Variants in NEB observed in about 807,000 individuals in gnomAD.
The protein encoded by NEB is nemaline myopathy type 2.
A neutral mutation model predicts 952.2 loss-of-function variants in NEB; 512 were observed. That is an observed-to-expected ratio of 0.54 (90% CI 0.50 to 0.58). The LOEUF (loss-of-function observed/expected upper bound fraction) is 0.58. NEB is among the 20% of genes least tolerant of loss of function. NEB has a pLI of 0.00. For missense variants in NEB, 8,428 were observed against 9,231.1 expected (o/e 0.91, Z 3.56); for synonymous variants, 2,900 against 3,149.8 (o/e 0.92, Z 2.66).
intron 153 of NEB, among the ~76,000 whole-genome samples, chr2:151,521,140 G>A (rs1269319277): frequency 6.6e-6 from 1 of 152,078 alleles, no homozygotes; most frequent in Non-Finnish European, 1.5e-5. Context: ...TACCCCTCAT[G>A]GTTCATCACT....
In NEB at chr2:151,485,749, C is replaced by A; in HGVS notation, c.*11G>T. 1 of 1,598,596 alleles carries A rather than the reference C, an allele frequency of 6.3e-7. No individual in the cohort carries two copies. The highest frequency in any genetic ancestry group is 8.6e-7 in the Non-Finnish European group (1 of 1,168,964). On this transcript the variant is annotated 3_prime_UTR_variant, in exon 182 of 182. Coordinates refer to ENST00000397345, the MANE Select transcript of NEB (RefSeq NM_001164508.2). ...GTAAGTCCTGCAGACAAGTGTGATG[C>A]TTTGAAATGCCTAAATAGCTTCAAC... is the stretch of plus-strand genomic sequence containing the variant.
intron 23 of NEB, 27 bp from the exon 24 acceptor site, chr2:151,690,852 A>G: frequency 1.4e-6 from 2 of 1,465,834 alleles, no homozygotes; most frequent in Non-Finnish European, 1.9e-6. Context: ...TCTTTAATGA[A>G]ATATCAGTAT....
At chr2:151,524,749 T>G (rs1032549766) in intron 151 of NEB, 133 bp from the exon 152 acceptor site, 66 of 722,292 alleles carry the variant, frequency 9.1e-5, no homozygotes, top group Non-Finnish European at 1.6e-5. Context: ...TCACTGCAAC[T>G]TCTGTCTCCC....
Position 151,709,470 on chromosome 2 carries a change from TTTG to T in NEB, c.1035+183_1035+185del, listed in dbSNP as rs560800486. 1.0e-3 allele frequency among the ~76,000 whole-genome samples: 157 copies of T among 152,270 alleles called. 2 individuals are homozygous for T. The highest frequency in any genetic ancestry group is 3.4e-3 in the African/African-American group (142 of 41,550). Reference sequence around the variant, plus strand: ...AGCCCCATTATAATTCCAAAGTACTTTTGTTGTTGTTCTTGTTGTTTCAATTCT... The same window carrying T: ...AGCCCCATTATAATTCCAAAGTACTTTTGTTGTTCTTGTTGTTTCAATTCT... On this transcript the variant is annotated intron_variant, in intron 12 of 181. Coordinates refer to ENST00000397345, the MANE Select transcript of NEB (RefSeq NM_001164508.2).
chr2:151,649,154 C>A (rs2099000017), intron 54 of NEB, among the ~76,000 whole-genome samples: 1 of 152,098 alleles, frequency 6.6e-6, no homozygotes, highest in Non-Finnish European at 1.5e-5. Flanking sequence ...TTGTTGTTTT[C>A]TCATTTTGTT....
rs536684179 is a variant in NEB, at chr2:151,494,162, G to A, written c.24578C>T (p.Ser8193Leu). The change falls in exon 174 of 182, where the codon TCG (serine) becomes TTG (leucine). Residue 8193 changes from serine (S) to leucine (L), a missense_variant and splice_region_variant. Physicochemically the swap from Ser to Leu is moderately radical, Grantham distance 145. This residue lies in a region of NEB where 3,374 missense variants were observed against 3,651.5 expected (regional missense o/e 0.92). Transcript: ENST00000397345. ...CACTTTTGTTTCTCAAGACAATACCGAGCTAATGTTTTCTTGATTGCGTTT... is the reference window on the plus strand; with the variant it reads ...CACTTTTGTTTCTCAAGACAATACCAAGCTAATGTTTTCTTGATTGCGTTT... ...RVKRNQENISSVLYKENLGKA... is the reference protein window; with the variant it reads ...RVKRNQENISLVLYKENLGKA... The A allele has an allele frequency of 5.0e-6, 8 of 1,602,736 alleles. No homozygotes were observed. The highest frequency in any genetic ancestry group is 1.7e-4 in the Middle Eastern group (1 of 6,040).
At chr2:151,701,792 T>G (rs1291741740) in intron 13 of NEB, among the ~76,000 whole-genome samples, 1 of 150,866 alleles carries the variant, frequency 6.6e-6, no homozygotes, top group Non-Finnish European at 1.5e-5. Flanking sequence ...GTCTATCTAT[T>G]TTGTTGATCC....
chr2:151,546,310 G>A, intron 134 of NEB, 35 bp downstream of exon 134: 2 of 1,527,670 alleles, frequency 1.3e-6, no homozygotes, highest in Non-Finnish European at 9.0e-7. Flanking sequence ...CAGCTGTGCG[G>A]GGGGTAATTA....
rs1482111150 is a variant in NEB, at chr2:151,541,532, C to G, written c.20597G>C (p.Gly6866Ala). ...AGTAAAGATTGACTTCTGCTTCTTG[C>G]CTGCAGCTCTGTAGACCAGCTAGAC... ...HLSELVYRAAGKKQKSIFTSV... is the reference protein window; with the variant it reads ...HLSELVYRAAAKKQKSIFTSV... Residue 6866 changes from glycine (G) to alanine (A), a missense_variant, in exon 136 of 182, where the codon GGC becomes GCC. By Grantham distance (60) the Gly-to-Ala change is moderately conservative (BLOSUM62 0). Around this residue, in one of 11 missense-constraint regions of NEB, gnomAD observed 3,374 missense variants for 3,651.5 expected, o/e 0.92. Transcript: ENST00000397345. The G allele has an allele frequency of 6.2e-7, 1 of 1,613,392 alleles. No homozygotes were observed. The highest frequency in any genetic ancestry group is 8.5e-7 in the Non-Finnish European group (1 of 1,179,504).
rs2058614496 is a variant in NEB at position 151,494,241 on chromosome 2, C to G, written c.24499G>C (p.Glu8167Gln). 6.3e-7 allele frequency: 1 copy of G among 1,598,394 alleles called. No homozygotes were observed. Reference sequence around the variant, plus strand: ...GTTGCGGTGGCTTTCCCCACATTTTCTTTGTACAAAACCTATGGGAATCCA... The same window carrying G: ...GTTGCGGTGGCTTTCCCCACATTTTGTTTGTACAAAACCTATGGGAATCCA... ...QENISSVLYK[E>Q]NVGKATATPV... Residue 8167 changes from glutamate to glutamine, a missense_variant, in exon 174 of 182, where the codon GAA becomes CAA. This residue lies in a region of NEB where 3,374 missense variants were observed against 3,651.5 expected (regional missense o/e 0.92). Transcript: ENST00000397345.
At chr2:151,612,063 G>T in intron 78 of NEB, 123 bp downstream of exon 78, 4 of 989,870 alleles carry the variant, frequency 4.0e-6, no homozygotes, top group Non-Finnish European at 6.1e-6. Flanking sequence ...TCTGTTAAAG[G>T]CCTGCATGAG....
chr2:151,690,974 T>A lies in NEB; in HGVS notation c.2212-149A>T. 5 of 567,652 alleles carry A rather than the reference T, an allele frequency of 8.8e-6. No homozygotes were observed. In the South Asian group the frequency reaches 9.8e-5, roughly 11 times the overall value. 35.2% of individuals were successfully genotyped at this position (567,652 alleles called of 1,614,324 possible). A position where few individuals can be genotyped will look rare whatever the true frequency, so the allele number is the denominator to read the frequency against. On this transcript the variant is annotated intron_variant, in intron 23 of 181. Coordinates refer to ENST00000397345, the MANE Select transcript of NEB (RefSeq NM_001164508.2). ...TTATATTCTCACTTCTCTGTCTGTC[T>A]CTCTCTCTCTCTCTCTTTTTCCTTT... is the stretch of plus-strand genomic sequence containing the variant.
At position 151,491,387 on chromosome 2, in the gene NEB, A is replaced by G. The variant is rs188792150; in HGVS notation, c.25150+296T>C. On this transcript the variant is annotated intron_variant, in intron 179 of 181. Coordinates refer to ENST00000397345, the MANE Select transcript of NEB (RefSeq NM_001164508.2). ...TCTCTTCCCTTTGCCTATGTATTTT[A>G]TGTATTTTCATTATTTCTCCAATAG... The G allele has an allele frequency of 2.4e-4, 68 of 279,000 alleles. 1 individual carries two copies. The highest frequency in any genetic ancestry group is 1.5e-3 in the African/African-American group (66 of 45,438). 17.3% of individuals were successfully genotyped at this position (279,000 alleles called of 1,614,324 possible).
At chr2:151,522,783 G>T (rs1300336512) in intron 153 of NEB, among the ~76,000 whole-genome samples, 1 of 152,162 alleles carries the variant, frequency 6.6e-6, no homozygotes, top group Non-Finnish European at 1.5e-5. Context: ...CATCATAGGG[G>T]TGTCATAAGA....
intron 27 of NEB, 51 bp downstream of exon 27, chr2:151,687,368 C>A: frequency 6.7e-7 from 1 of 1,483,094 alleles, no homozygotes; most frequent in Non-Finnish European, 9.4e-7. Context: ...CCTTGGGCAT[C>A]GTAACAGGGA....
chr2:151,639,200 G>T, intron 63 of NEB, 80 bp downstream of exon 63: 2 of 1,099,676 alleles, frequency 1.8e-6, no homozygotes, highest in Non-Finnish European at 1.3e-6. Flanking sequence ...TTCTAAAGCT[G>T]TCATTTGGTA....
In NEB at chr2:151,489,159, T is replaced by G. The variant is rs918128394; in HGVS notation, c.25404+812A>C. On this transcript the variant is annotated intron_variant, in intron 181 of 181. Coordinates refer to ENST00000397345, the MANE Select transcript of NEB (RefSeq NM_001164508.2). The stretch of plus-strand genomic sequence containing the variant: ...TCCTTAAATATAATAGGTCTAACAC[T>G]TATTTAGACCTTCTTGTATGTCATT... Among the ~76,000 whole-genome samples, 5 of 152,200 alleles carry G rather than the reference T, an allele frequency of 3.3e-5. No homozygotes were observed. The East Asian group carries it at 9.6e-4, about 29-fold the overall frequency.
Position 151,524,575 on chromosome 2 carries a change from G to A in NEB, c.22314C>T (p.Thr7438=). The change falls in exon 152 of 182, where the codon ACC becomes ACT. Residue 7438 remains threonine (T), a synonymous_variant. Transcript: ENST00000397345. ...TGATGTCTGGTCGATCAGCCACTGT[G>A]GTGTAATGCAGGTTCTCTTTGGCAT... is the stretch of plus-strand genomic sequence containing the variant. The part of the protein sequence containing the change: ...RKDAKENLHY[T]TVADRPDIKK... 1 of 1,611,448 alleles carries A rather than the reference G, an allele frequency of 6.2e-7. No homozygotes were observed. Among genetic ancestry groups the A allele is most frequent in the South Asian group, 1.1e-5 (1 of 91,006 alleles).
intron 13 of NEB, among the ~76,000 whole-genome samples, chr2:151,705,600 T>C (rs966675126): frequency 6.6e-6 from 1 of 151,922 alleles, no homozygotes; most frequent in African/African-American, 2.4e-5. Context: ...AAAGAAATAA[T>C]ATGAAAAAGA....
Sources: gnomAD v4.1 joint callset for allele counts (sites outside exome capture counted in the v4.1 genomes callset) on GRCh38, gnomAD v4.1.1 for gene constraint, gnomAD v4.1.1 regional missense constraint, MANE v1.5 for transcripts, NCBI Gene and HGNC (gene_info 2026-07-23, HGNC 2026-07-21) for gene names.